The following ZPBP variants were observed in gnomAD, a reference collection of about 807,000 sequenced individuals.
The protein encoded by ZPBP is zona pellucida-binding protein 1.
Under a neutral mutation model 44.8 loss-of-function variants are expected in ZPBP, and 26 were observed. That is an observed-to-expected ratio of 0.58 (90% CI 0.43 to 0.81). ZPBP has a LOEUF of 0.81. ZPBP is among the 30% of genes least tolerant of loss of function. The pLI is 0.00. For missense variants in ZPBP, 409 were observed against 434.0 expected, an observed-to-expected ratio of 0.94 and a Z score of 0.51; for synonymous variants, 174 against 153.2, an observed-to-expected ratio of 1.14 and a Z score of -1.00.
chr7:49,867,100 C>T (rs1308644872), intron 2 of ZPBP, among the ~76,000 whole-genome samples: 1 of 152,166 alleles, frequency 6.6e-6, no homozygotes, highest in Non-Finnish European at 1.5e-5. Flanking sequence ...AAATGTCTCC[C>T]TGGGGGTCCT....
At chr7:49,863,354 C>T (rs1387584664) in intron 2 of ZPBP, among the ~76,000 whole-genome samples, 1 of 152,174 alleles carries the variant, frequency 6.6e-6, no homozygotes, top group African/African-American at 2.4e-5. Context: ...ATCTTCGCCA[C>T]TCCAGCTAAA....
intron 2 of ZPBP, among the ~76,000 whole-genome samples, chr7:49,899,665 C>T (rs1396906014): frequency 6.6e-6 from 1 of 151,942 alleles, no homozygotes; most frequent in Admixed American, 6.6e-5. Flanking sequence ...AGTATCAAAA[C>T]ACATGAGGCA....
At chr7:49,995,799 C>T (rs55901479) in intron 6 of ZPBP, among the ~76,000 whole-genome samples, 8,448 of 152,116 alleles carry the variant, frequency 0.056, 278 homozygotes, top group African/African-American at 0.093. Flanking sequence ...TGTTCTCATT[C>T]GTATGTGGGA....
At chr7:50,055,710 T>C (rs964527408) in intron 4 of ZPBP, among the ~76,000 whole-genome samples, 3 of 152,228 alleles carry the variant, frequency 2.0e-5, no homozygotes, top group African/African-American at 7.2e-5. Flanking sequence ...ATTTTGCTGT[T>C]GTTGTAATAA....
intron 3 of ZPBP, among the ~76,000 whole-genome samples, chr7:50,066,823 C>T (rs942404738): frequency 6.6e-6 from 1 of 152,166 alleles, no homozygotes; most frequent in Admixed American, 6.5e-5. Flanking sequence ...CCAGTGTGGT[C>T]AGAGCAGGGC....
At chr7:49,976,989 C>T (rs1251503652) in intron 7 of ZPBP, among the ~76,000 whole-genome samples, 2 of 151,940 alleles carry the variant, frequency 1.3e-5, no homozygotes, top group African/African-American at 4.8e-5. Flanking sequence ...GTAGTCCCAG[C>T]TGCTCGGGCG....
intron 6 of ZPBP, among the ~76,000 whole-genome samples, chr7:49,994,517 T>C (rs1427825658): frequency 6.6e-6 from 1 of 152,186 alleles, no homozygotes. Flanking sequence ...ACTTTATGGC[T>C]TAGTGGGTTA....
rs1791879151 is a variant in ZPBP, at chr7:49,885,813, C to G, written n.509+15305G>C. 1.3e-5 allele frequency among the ~76,000 whole-genome samples: 2 copies of G among 152,190 alleles called. 1 individual carries two copies. Among genetic ancestry groups the G allele is most frequent in the South Asian group, 4.1e-4 (2 of 4,828 alleles). Reference sequence around the variant, plus strand: ...TGGACCACTAGCACCGGGGACGCAGCCCTGGAGCTGAGAAGCAGCAGCTGG... The same window carrying G: ...TGGACCACTAGCACCGGGGACGCAGGCCTGGAGCTGAGAAGCAGCAGCTGG... On this transcript the variant is annotated intron_variant and non_coding_transcript_variant, in intron 2 of 2. Coordinates refer to the ZPBP transcript ENST00000465922.
intron 7 of ZPBP, among the ~76,000 whole-genome samples, chr7:49,981,573 A>C (rs1302599982): frequency 5.3e-5 from 2 of 37,860 alleles, no homozygotes; most frequent in Non-Finnish European, 1.2e-4. Flanking sequence ...TTATATAATT[A>C]TATAAATTAT....
At chr7:49,926,836 A>G (rs1231697656) in intron 1 of ZPBP, among the ~76,000 whole-genome samples, 1 of 152,136 alleles carries the variant, frequency 6.6e-6, no homozygotes. Context: ...AAGGCCTTAG[A>G]CTCCACTTAG....
downstream of ZPBP, chr7:49,937,405 G>C: frequency 1.3e-6 from 1 of 760,414 alleles, no homozygotes; most frequent in Non-Finnish European, 2.2e-6. Context: ...TACAGTATTT[G>C]ATTAAAATGA....
chr7:49,910,984 C>T (rs1190023177), intron 1 of ZPBP, among the ~76,000 whole-genome samples: 1 of 152,162 alleles, frequency 6.6e-6, no homozygotes, highest in East Asian at 1.9e-4. Context: ...CCTCGGAGGC[C>T]TGGAAGGTAT....
intron 2 of ZPBP, among the ~76,000 whole-genome samples, chr7:49,877,679 G>C (rs1170295520): frequency 6.7e-6 from 1 of 149,342 alleles, no homozygotes; most frequent in Non-Finnish European, 1.5e-5. Flanking sequence ...CGAGAGTCAT[G>C]AACTGGGTGT....
chr7:50,030,980 G>T, intron 5 of ZPBP, 112 bp downstream of exon 5: 1 of 870,386 alleles, frequency 1.1e-6, no homozygotes, highest in South Asian at 1.5e-5. Context: ...AATATATTTG[G>T]ATGTATGGTG....
chr7:49,917,411 T>G (rs1248049640), intron 1 of ZPBP: 1 of 152,200 alleles, frequency 6.6e-6, no homozygotes, highest in Non-Finnish European at 1.5e-5. Flanking sequence ...TTAGGAAACT[T>G]AAATGAAAAT....
At chr7:49,980,577 G>A (rs1796807025) in intron 7 of ZPBP, among the ~76,000 whole-genome samples, 1 of 151,850 alleles carries the variant, frequency 6.6e-6, no homozygotes, top group South Asian at 2.1e-4. Context: ...GAAGGTGAAA[G>A]GCAGCCTGAG....
At chr7:49,852,536 C>G (rs1790222429) in intron 2 of ZPBP, among the ~76,000 whole-genome samples, 1 of 152,086 alleles carries the variant, frequency 6.6e-6, no homozygotes, top group Non-Finnish European at 1.5e-5. Context: ...GGCAGAAGGG[C>G]CGAAGATCAT....
intron 1 of ZPBP, among the ~76,000 whole-genome samples, chr7:49,901,799 A>T (rs1056401611): frequency 6.8e-6 from 1 of 147,604 alleles, no homozygotes; most frequent in African/African-American, 2.7e-5. Flanking sequence ...ACAGTGTGGT[A>T]TTGGCAAAAG....
At chr7:50,089,978 A>G (rs1802867987) in intron 1 of ZPBP, among the ~76,000 whole-genome samples, 1 of 152,110 alleles carries the variant, frequency 6.6e-6, no homozygotes, top group African/African-American at 2.4e-5. Context: ...ATCTCCCACC[A>G]TTCAAGACCC....
Sources: gnomAD v4.1 joint callset for allele counts (sites outside exome capture counted in the v4.1 genomes callset) on GRCh38, gnomAD v4.1.1 for gene constraint, MANE v1.5 for transcripts, NCBI Gene and HGNC (gene_info 2026-07-23, HGNC 2026-07-21) for gene names.